Variants in KRCC1 observed in about 807,000 individuals in gnomAD.
The protein encoded by KRCC1 is lysine rich coiled-coil 1.
Under a neutral mutation model 7.4 loss-of-function variants are expected in KRCC1, and 3 were observed. That is an observed-to-expected ratio of 0.40 (90% CI 0.18 to 1.04). The LOEUF (loss-of-function observed/expected upper bound fraction) is 1.04. Ranked by LOEUF, KRCC1 falls within the 50% of genes least tolerant of loss-of-function variation. The pLI, the probability that KRCC1 is intolerant of heterozygous loss-of-function variation, is 0.33. For synonymous variants in KRCC1, 102 were observed against 101.6 expected (o/e 1.00, Z -0.02); for missense variants, 277 against 300.9 (o/e 0.92, Z 0.59).
chr2:88,037,696 A>G (rs190008474), intron 1 of KRCC1, among the ~76,000 whole-genome samples: 1 of 152,358 alleles, frequency 6.6e-6, no homozygotes, highest in African/African-American at 2.4e-5. Flanking sequence ...GGCATGAGCC[A>G]CTGAGCCCAG....
intron 1 of KRCC1, among the ~76,000 whole-genome samples, chr2:88,053,342 A>C (rs1673539062): frequency 6.6e-6 from 1 of 152,212 alleles, no homozygotes; most frequent in African/African-American, 2.4e-5. Flanking sequence ...GTGAACTGAC[A>C]TCTTTTAAAG....
In KRCC1 at chr2:88,027,421, A is replaced by T. The variant is rs975846696; in HGVS notation, c.*363T>A. The T allele has an allele frequency of 5.8e-6, 1 of 173,764 alleles. No homozygotes were observed. The highest frequency in any genetic ancestry group is 1.2e-5 in the Non-Finnish European group (1 of 82,586). The allele number at this position is 173,764 out of a possible 1,614,324, so 10.8% of individuals were successfully genotyped here. On this transcript the variant is annotated 3_prime_UTR_variant, in exon 4 of 4. Transcript: ENST00000347055. ...AATGAACATAAAATACCCAACTCAAAACTATAACAAACCCAATCAAGAAAC... is the reference window on the plus strand; with the variant it reads ...AATGAACATAAAATACCCAACTCAATACTATAACAAACCCAATCAAGAAAC...
At chr2:88,045,081 T>C (rs1177802129) in intron 1 of KRCC1, among the ~76,000 whole-genome samples, 1 of 151,756 alleles carries the variant, frequency 6.6e-6, no homozygotes, top group East Asian at 1.9e-4. Context: ...CCCAGGCTGG[T>C]CTCTAACTCC....
In KRCC1 at chr2:88,048,535, T is replaced by C. The variant is rs369569962; in HGVS notation, c.-291+7091A>G. On this transcript the variant is annotated intron_variant, in intron 1 of 3. Transcript: ENST00000347055. ...TTAGAAATACTATTGATTACATATATAGAACTTGTACTTTACTCCCCTGCT... is the reference window on the plus strand; with the variant it reads ...TTAGAAATACTATTGATTACATATACAGAACTTGTACTTTACTCCCCTGCT... 1.1e-4 allele frequency among the ~76,000 whole-genome samples: 16 copies of C among 152,354 alleles called. 1 individual carries two copies. In the South Asian group the frequency reaches 2.9e-3, roughly 28 times the overall value.
intron 1 of KRCC1, among the ~76,000 whole-genome samples, chr2:88,050,024 T>G (rs1673436645): frequency 6.6e-6 from 1 of 152,234 alleles, no homozygotes; most frequent in Non-Finnish European, 1.5e-5. Context: ...TTTTTCTCCC[T>G]AATTTCATTA....
At chr2:88,029,299 G>A (rs879734972) in intron 3 of KRCC1, among the ~76,000 whole-genome samples, 4 of 152,108 alleles carry the variant, frequency 2.6e-5, no homozygotes, top group African/African-American at 4.8e-5. Context: ...GAGAAGTAAA[G>A]GAACCACAGA....
intron 3 of KRCC1, among the ~76,000 whole-genome samples, chr2:88,029,802 C>T (rs1672957251): frequency 6.8e-6 from 1 of 147,414 alleles, no homozygotes; most frequent in Non-Finnish European, 1.5e-5. Flanking sequence ...AGAAAATGTA[C>T]TTACTATGAA....
chr2:88,029,223 CT>C (rs1672945726), intron 3 of KRCC1, among the ~76,000 whole-genome samples: 1 of 152,086 alleles, frequency 6.6e-6, no homozygotes, highest in Non-Finnish European at 1.5e-5. Context: ...CGGTGGGTGG[CT>C]GATATTAATG....
intron 1 of KRCC1, among the ~76,000 whole-genome samples, chr2:88,055,370 C>T (rs1281669339): frequency 1.3e-5 from 2 of 152,076 alleles, no homozygotes; most frequent in African/African-American, 4.8e-5. Context: ...CTTGGTCGCC[C>T]CTAGTTTCCC....
At chr2:88,053,815 A>C (rs1333735475) in intron 1 of KRCC1, among the ~76,000 whole-genome samples, 1 of 152,202 alleles carries the variant, frequency 6.6e-6, no homozygotes, top group Admixed American at 6.5e-5. Context: ...ATAAAGAAGA[A>C]ATCAGTATTT....
At chr2:88,036,620 T>C (rs1334764168) in intron 2 of KRCC1, among the ~76,000 whole-genome samples, 4 of 152,150 alleles carry the variant, frequency 2.6e-5, no homozygotes, top group African/African-American at 9.7e-5. Context: ...ATCTATAATA[T>C]CTCTTGACTT....
chr2:88,031,255 C>T (rs1162444740), intron 3 of KRCC1, among the ~76,000 whole-genome samples: 2 of 151,982 alleles, frequency 1.3e-5, no homozygotes, highest in Non-Finnish European at 2.9e-5. Context: ...GATGATGATC[C>T]TGAACCCTGT....
intron 1 of KRCC1, among the ~76,000 whole-genome samples, chr2:88,038,318 G>T (rs898874973): frequency 3.3e-5 from 5 of 152,200 alleles, no homozygotes; most frequent in African/African-American, 1.2e-4. Flanking sequence ...TTGCTGGGAG[G>T]AAGACATCTT....
chr2:88,044,021 A>C (rs938281623), intron 1 of KRCC1, among the ~76,000 whole-genome samples: 6 of 152,146 alleles, frequency 3.9e-5, no homozygotes, highest in Non-Finnish European at 8.8e-5. Flanking sequence ...GGCTCAGTAC[A>C]ATTACTTTCT....
chr2:88,039,350 T>C (rs186788588), intron 1 of KRCC1, among the ~76,000 whole-genome samples: 5 of 152,304 alleles, frequency 3.3e-5, no homozygotes, highest in Admixed American at 2.6e-4. Context: ...CTCAAGATAA[T>C]TATAAATCAG....
At chr2:88,032,279 G>C (rs1673009586) in intron 3 of KRCC1, among the ~76,000 whole-genome samples, 2 of 152,042 alleles carry the variant, frequency 1.3e-5, no homozygotes, top group Admixed American at 6.6e-5. Context: ...AGTCCTGCAA[G>C]CTCCTCCATT....
At chr2:88,044,620 G>A (rs969947458) in intron 1 of KRCC1, among the ~76,000 whole-genome samples, 1 of 152,062 alleles carries the variant, frequency 6.6e-6, no homozygotes, top group Non-Finnish European at 1.5e-5. Flanking sequence ...AAACCACAAT[G>A]AGGGGTCTGC....
rs1255577042 is a variant in KRCC1, at chr2:88,027,769, C to A, written c.*15G>T. The A allele has an allele frequency of 6.4e-7, 1 of 1,553,202 alleles. No individual in the cohort carries two copies. Among genetic ancestry groups the A allele is most frequent in the East Asian group, 2.3e-5 (1 of 44,322 alleles). ...TTTTTTCAATTTAACTTTGGGAGAACCAACTTTGAAAGCTTCAAAATCCAA... is the reference window on the plus strand; with the variant it reads ...TTTTTTCAATTTAACTTTGGGAGAAACAACTTTGAAAGCTTCAAAATCCAA... On this transcript the variant is annotated 3_prime_UTR_variant, in exon 4 of 4. Transcript: ENST00000347055.
At chr2:88,044,863 ATTTTTTTT>A (rs11302450) in intron 1 of KRCC1, among the ~76,000 whole-genome samples, 16 of 105,860 alleles carry the variant, frequency 1.5e-4, no homozygotes, top group South Asian at 3.3e-4. Context: ...GAGTTTGATA[ATTTTTTTT>A]TTTTTTTTTT....
Sources: gnomAD v4.1 joint callset for allele counts (sites outside exome capture counted in the v4.1 genomes callset) on GRCh38, gnomAD v4.1.1 for gene constraint, MANE v1.5 for transcripts, NCBI Gene and HGNC (gene_info 2026-07-23, HGNC 2026-07-21) for gene names.